The following ERC1 variants were observed in gnomAD, a reference collection of about 807,000 sequenced individuals.
ERC1 encodes the protein ELKS/RAB6-interacting/CAST family member 1.
ERC1 carries 56 observed loss-of-function variants against 132.0 expected under a neutral mutation model. The ratio of observed to expected loss-of-function variants is 0.42; its 90% CI spans 0.34 to 0.53. The LOEUF (loss-of-function observed/expected upper bound fraction) is 0.53, where lower values mean the gene tolerates loss of function less well. Ranked by LOEUF, ERC1 falls within the 20% of genes least tolerant of loss-of-function variation. The pLI is 0.03. For missense variants in ERC1, 1,202 were observed against 1,349.9 expected, an observed-to-expected ratio of 0.89 and a Z score of 1.72; for synonymous variants, 478 against 476.1, an observed-to-expected ratio of 1.00 and a Z score of -0.05.
chr12:1,463,919 A>C (rs2093691168), intron 18 of ERC1, among the ~76,000 whole-genome samples: 1 of 151,924 alleles, frequency 6.6e-6, no homozygotes, highest in Non-Finnish European at 1.5e-5. Flanking sequence ...AGAGGCAGGG[A>C]ATATGGGGAA....
At chr12:1,141,564 AG>A in intron 7 of ERC1, 55 bp from the exon 8 acceptor site, 3 of 1,420,408 alleles carry the variant, frequency 2.1e-6, no homozygotes, top group Non-Finnish European at 2.9e-6. Flanking sequence ...TCTATTTGAA[AG>A]GAATTACATT....
chr12:1,251,714 T>C (rs17800876), intron 13 of ERC1, among the ~76,000 whole-genome samples: 65,201 of 151,978 alleles, frequency 0.43, 15,761 homozygotes, highest in African/African-American at 0.66. Flanking sequence ...CTGCAGTGTT[T>C]GAAATGGACT....
intron 12 of ERC1, among the ~76,000 whole-genome samples, chr12:1,234,793 A>T (rs184702539): frequency 9.2e-5 from 14 of 152,354 alleles, no homozygotes; most frequent in African/African-American, 3.4e-4. Context: ...CTTTGTACAC[A>T]CCAGAAGTGG....
chr12:1,073,228 A>C (rs1593118198), intron 2 of ERC1, among the ~76,000 whole-genome samples: 1 of 152,092 alleles, frequency 6.6e-6, no homozygotes, highest in East Asian at 1.9e-4. Context: ...TTGAACCCAG[A>C]AGACGGAGGT....
chr12:1,136,717 T>TA (rs1244949852), intron 7 of ERC1, among the ~76,000 whole-genome samples: 1 of 152,212 alleles, frequency 6.6e-6, no homozygotes, highest in Non-Finnish European at 1.5e-5. Flanking sequence ...CTTCTTCTGT[T>TA]ACTTTATGCC....
At chr12:1,006,705 T>C (rs750103482) in intron 1 of ERC1, among the ~76,000 whole-genome samples, 3 of 151,964 alleles carry the variant, frequency 2.0e-5, no homozygotes, top group Non-Finnish European at 4.4e-5. Flanking sequence ...CTTTTCTTTT[T>C]TTATTAGAGA....
chr12:1,255,890 C>T (rs1286176460), intron 13 of ERC1, among the ~76,000 whole-genome samples: 1 of 151,824 alleles, frequency 6.6e-6, no homozygotes, highest in African/African-American at 2.4e-5. Flanking sequence ...CCGCCCACCT[C>T]AACCTCCCAA....
intron 2 of ERC1, among the ~76,000 whole-genome samples, chr12:1,063,444 A>G (rs538141610): frequency 1.3e-5 from 2 of 152,210 alleles, no homozygotes; most frequent in East Asian, 1.9e-4. Flanking sequence ...TATTTTTAGT[A>G]GAGACGGGGT....
At chr12:1,170,342 T>TA (rs1219563886) in intron 8 of ERC1, among the ~76,000 whole-genome samples, 3 of 152,196 alleles carry the variant, frequency 2.0e-5, no homozygotes, top group Admixed American at 6.5e-5. Context: ...TGGATTTTTT[T>TA]AAAAAATTAA....
intron 15 of ERC1, among the ~76,000 whole-genome samples, chr12:1,342,483 C>A (rs186426496): frequency 0.033 from 4,191 of 127,522 alleles, 95 homozygotes; most frequent in South Asian, 0.089. Context: ...AAAAAAAAAA[C>A]AAAAAAAAGA....
rs751916267 is a variant in ERC1 at position 1,141,604 on chromosome 12, ACTC to A, written c.1570-13_1570-11del. 13 of 1,585,884 alleles carry A rather than the reference ACTC, an allele frequency of 8.2e-6. No homozygotes were observed. The South Asian group carries it at 1.4e-4, about 17-fold the overall frequency. Reference sequence around the variant, plus strand: ...TTCTTTTTAATTCATCACTTGTAAAACTCCTACATTCTTAGGTGGATGCTCTCC... The same window carrying A: ...TTCTTTTTAATTCATCACTTGTAAAACTACATTCTTAGGTGGATGCTCTCC... On this transcript the variant is annotated splice_polypyrimidine_tract_variant and intron_variant, in intron 7 of 18. Transcript: ENST00000360905.
At chr12:1,042,024 C>T (rs1000271797) in intron 2 of ERC1, among the ~76,000 whole-genome samples, 1 of 152,144 alleles carries the variant, frequency 6.6e-6, no homozygotes, top group Non-Finnish European at 1.5e-5. Context: ...GCTGGCATTA[C>T]AGGTGTGAGC....
chr12:1,144,853 A>G (rs569074191), intron 8 of ERC1, among the ~76,000 whole-genome samples: 4 of 152,084 alleles, frequency 2.6e-5, no homozygotes, highest in African/African-American at 9.6e-5. Context: ...ACTTTTAGTT[A>G]AGGAATCTCT....
chr12:1,418,802 T>C (rs1029230140), intron 17 of ERC1, among the ~76,000 whole-genome samples: 3 of 151,486 alleles, frequency 2.0e-5, no homozygotes, highest in Admixed American at 6.6e-5. Flanking sequence ...AGCCTCGGAC[T>C]CATGGGCTCA....
At chr12:1,216,621 G>GCGGGGGGGGAGGGA (rs1450639874) in intron 12 of ERC1, among the ~76,000 whole-genome samples, 1 of 137,364 alleles carries the variant, frequency 7.3e-6, no homozygotes, top group African/African-American at 2.7e-5. Flanking sequence ...GGGATGGGGG[G>GCGGGGGGGGAGGGA]TGGGGGGCGG....
rs760525917 is a variant in ERC1 at position 1,361,098 on chromosome 12, C to CAAAAA, written c.2781-10720_2781-10716dup. Among the ~76,000 whole-genome samples, 115 of 48,134 alleles carry CAAAAA rather than the reference C, an allele frequency of 2.4e-3. 1 individual carries two copies. Among genetic ancestry groups the CAAAAA allele is most frequent in the Middle Eastern group, 0.013 (1 of 80 alleles). The allele number at this position is 48,134 out of a possible 152,430, so 31.6% of individuals were successfully genotyped here. On this transcript the variant is annotated intron_variant, in intron 15 of 18. Coordinates refer to ENST00000360905, the MANE Select transcript of ERC1 (RefSeq NM_178040.4). Reference sequence around the variant, plus strand: ...GGGTGATGGGAGTGAGGCTCTGTCTCAAAAAAAAAAAAAAAAAAAGGTGGG... The same window carrying CAAAAA: ...GGGTGATGGGAGTGAGGCTCTGTCTCAAAAAAAAAAAAAAAAAAAAAAAAGGTGGG...
chr12:1,155,863 T>TA (rs11433362), intron 8 of ERC1, among the ~76,000 whole-genome samples: 43,288 of 148,938 alleles, frequency 0.29, 6,735 homozygotes, highest in African/African-American at 0.4. Flanking sequence ...GTGTTCAAGG[T>TA]AAAAAAAAAA....
chr12:1,153,142 C>T (rs1274629581), intron 8 of ERC1: 2 of 152,246 alleles, frequency 1.3e-5, no homozygotes, highest in Admixed American at 1.3e-4. Context: ...TTTCCTACTT[C>T]TGGGAACCGT....
At chr12:1,119,174 T>C (rs1210208624) in intron 7 of ERC1, among the ~76,000 whole-genome samples, 15 of 152,020 alleles carry the variant, frequency 9.9e-5, no homozygotes, top group African/African-American at 3.6e-4. Context: ...CCACTGTGCC[T>C]AGCCTGGAGT....
Sources: allele counts gnomAD v4.1 joint callset (sites outside exome capture counted in the v4.1 genomes callset), GRCh38; gene constraint gnomAD v4.1.1; transcripts MANE v1.5; gene names NCBI Gene and HGNC (gene_info 2026-07-23, HGNC 2026-07-21).